Variants in CEP128 observed in about 807,000 individuals in gnomAD.
CEP128 encodes centrosomal protein 128kDa.
CEP128 carries 132 observed loss-of-function variants against 156.7 expected under a neutral mutation model. The ratio of observed to expected loss-of-function variants is 0.84; its 90% confidence interval spans 0.73 to 0.97. The LOEUF (loss-of-function observed/expected upper bound fraction) is 0.97. Among genes scored for constraint, CEP128 ranks in the 50% least tolerant of loss-of-function variants. CEP128 has a pLI of 0.00. For synonymous variants in CEP128, 469 were observed against 448.9 expected (o/e 1.04, Z -0.57); for missense variants, 1,252 against 1,281.9 (o/e 0.98, Z 0.36).
chr14:80,861,278 A>G (rs1038711193), intron 9 of CEP128, among the ~76,000 whole-genome samples: 1 of 152,044 alleles, frequency 6.6e-6, no homozygotes, highest in Non-Finnish European at 1.5e-5. Flanking sequence ...GTACAATAGG[A>G]TATGTTCAAG....
intron 2 of CEP128, chr14:80,955,233 G>A (rs1886592181): frequency 3.4e-6 from 1 of 291,230 alleles, no homozygotes; most frequent in Non-Finnish European, 6.7e-6. Context: ...CTCCCAGGCA[G>A]ACAGGGTGTC....
At chr14:80,850,979 T>A (rs938652585) in intron 9 of CEP128, among the ~76,000 whole-genome samples, 8 of 152,210 alleles carry the variant, frequency 5.3e-5, no homozygotes, top group Admixed American at 2.6e-4. Flanking sequence ...TTGTAACTAC[T>A]ATATAAACTT....
intron 13 of CEP128, among the ~76,000 whole-genome samples, chr14:80,815,822 C>A (rs1033928878): frequency 6.6e-6 from 1 of 152,140 alleles, no homozygotes; most frequent in East Asian, 1.9e-4. Flanking sequence ...TGAAACAACT[C>A]AAAAACAGAA....
intron 19 of CEP128, among the ~76,000 whole-genome samples, chr14:80,720,051 T>C (rs1897756781): frequency 6.6e-6 from 1 of 151,954 alleles, no homozygotes; most frequent in South Asian, 2.1e-4. Context: ...GGAGGTGACA[T>C]TTCAACTGAG....
intron 19 of CEP128, among the ~76,000 whole-genome samples, chr14:80,655,900 GT>G (rs1279090355): frequency 1.3e-5 from 2 of 151,944 alleles, no homozygotes; most frequent in East Asian, 3.9e-4. Context: ...TGTTTGTTTT[GT>G]TTTGTTTTTT....
rs570030143 is a variant in CEP128, at chr14:80,852,898, C to G, written c.762+9859G>C. Among the ~76,000 whole-genome samples, 3 of 151,374 alleles carry G rather than the reference C, an allele frequency of 2.0e-5. No individual in the cohort carries two copies. The East Asian group carries it at 5.8e-4, about 29-fold the overall frequency. ...AATCATAAACACAAATATAAAAATC[C>G]TAAGAAAAAAATAGCAAGTTAATTC... is the stretch of plus-strand genomic sequence containing the variant. On this transcript the variant is annotated intron_variant, in intron 9 of 24. Coordinates refer to ENST00000555265, the MANE Select transcript of CEP128 (RefSeq NM_152446.5).
chr14:80,504,176 T>C (rs1343947308), intron 24 of CEP128, among the ~76,000 whole-genome samples: 1 of 152,194 alleles, frequency 6.6e-6, no homozygotes, highest in Admixed American at 6.5e-5. Flanking sequence ...TATATGTATA[T>C]TAATTGAATA....
At chr14:80,535,330 CTTA>C (rs1889434748) in intron 21 of CEP128, among the ~76,000 whole-genome samples, 1 of 152,156 alleles carries the variant, frequency 6.6e-6, no homozygotes, top group Non-Finnish European at 1.5e-5. Context: ...TGGCAAGGTT[CTTA>C]TTAGGAAAAT....
At chr14:80,875,411 GCTTT>G (rs1354967843) in intron 8 of CEP128, among the ~76,000 whole-genome samples, 3 of 152,106 alleles carry the variant, frequency 2.0e-5, no homozygotes, top group African/African-American at 7.2e-5. Context: ...AATAAAATAC[GCTTT>G]CTGTCATCAA....
At chr14:80,853,862 G>C (rs923037009) in intron 9 of CEP128, among the ~76,000 whole-genome samples, 10 of 151,912 alleles carry the variant, frequency 6.6e-5, no homozygotes, top group African/African-American at 1.9e-4. Context: ...ATATACAACA[G>C]ATGTGGCATT....
At chr14:80,821,669 G>A (rs1885192317) in intron 13 of CEP128, among the ~76,000 whole-genome samples, 2 of 145,714 alleles carry the variant, frequency 1.4e-5, no homozygotes, top group Admixed American at 6.9e-5. Flanking sequence ...GAATCACAAG[G>A]CCCCATTTAA....
chr14:80,534,701 T>C (rs1011212592), intron 21 of CEP128, among the ~76,000 whole-genome samples: 1 of 151,958 alleles, frequency 6.6e-6, no homozygotes, highest in Non-Finnish European at 1.5e-5. Flanking sequence ...GGCGGGCACC[T>C]GTAGTCCCAG....
chr14:80,835,921 C>T (rs1886049057), intron 12 of CEP128, among the ~76,000 whole-genome samples: 1 of 152,118 alleles, frequency 6.6e-6, no homozygotes, highest in Non-Finnish European at 1.5e-5. Flanking sequence ...GCATGGGAAT[C>T]GGAGGCTGGA....
At chr14:80,510,858 T>C (rs970606800) in intron 23 of CEP128, among the ~76,000 whole-genome samples, 2 of 152,000 alleles carry the variant, frequency 1.3e-5, no homozygotes, top group South Asian at 2.1e-4. Flanking sequence ...TCAATATCAA[T>C]TGAAATGATC....
intron 18 of CEP128, among the ~76,000 whole-genome samples, chr14:80,749,820 C>A (rs1338865182): frequency 2.0e-5 from 3 of 151,748 alleles, no homozygotes; most frequent in South Asian, 2.1e-4. Flanking sequence ...GATAGATATC[C>A]CTTTTACAAT....
chr14:80,872,504 T>G (rs1888077919), intron 8 of CEP128, among the ~76,000 whole-genome samples: 1 of 152,182 alleles, frequency 6.6e-6, no homozygotes, highest in South Asian at 2.1e-4. Flanking sequence ...AAATGCATGA[T>G]AAACAACTGT....
intron 2 of CEP128, among the ~76,000 whole-genome samples, chr14:80,952,413 G>A (rs1314384626): frequency 6.6e-6 from 1 of 151,848 alleles, no homozygotes; most frequent in Non-Finnish European, 1.5e-5. Flanking sequence ...AAGAATCAAG[G>A]AAGAAATCTA....
intron 13 of CEP128, 76 bp downstream of exon 13, chr14:80,831,067 T>C (rs760475106): frequency 1.6e-6 from 2 of 1,261,714 alleles, no homozygotes; most frequent in African/African-American, 3.0e-5. Flanking sequence ...CACATCTTTA[T>C]ATTAAAATTT....
chr14:80,625,462 T>A (rs2140685727), intron 19 of CEP128, among the ~76,000 whole-genome samples: 1 of 152,296 alleles, frequency 6.6e-6, no homozygotes, highest in Non-Finnish European at 1.5e-5. Flanking sequence ...TCTATATGAA[T>A]TTCAGGATTT....
Sources: gnomAD v4.1 joint callset for allele counts (sites outside exome capture counted in the v4.1 genomes callset) on GRCh38, gnomAD v4.1.1 for gene constraint, MANE v1.5 for transcripts, NCBI Gene and HGNC (gene_info 2026-07-23, HGNC 2026-07-21) for gene names.